The following TLN2 variants were observed in gnomAD, a reference collection of about 807,000 sequenced individuals.
TLN2 encodes talin-2.
A neutral mutation model predicts 294.7 loss-of-function variants in TLN2; 118 were observed. The observed-to-expected ratio is 0.40, with a 90% CI of 0.34 to 0.47. The LOEUF (loss-of-function observed/expected upper bound fraction) is 0.47, where lower values mean the gene tolerates loss of function less well. Among genes scored for constraint, TLN2 ranks in the 20% least tolerant of loss-of-function variants. TLN2 has a pLI of 0.84. For synonymous variants in TLN2, 1,431 were observed against 1,304.5 expected (o/e 1.10, Z -2.09); for missense variants, 3,083 against 3,282.2 (o/e 0.94, Z 1.48).
intron 1 of TLN2, among the ~76,000 whole-genome samples, chr15:62,495,734 C>T (rs781574717): frequency 1.3e-4 from 19 of 151,964 alleles, no homozygotes; most frequent in Non-Finnish European, 2.2e-4. Context: ...CTCCTTTTTC[C>T]AGAAGCAGTT....
At chr15:62,647,219 T>TC in intron 3 of TLN2, 56 bp from the exon 4 acceptor site, 2 of 1,481,954 alleles carry the variant, frequency 1.3e-6, no homozygotes, top group Non-Finnish European at 1.8e-6. Flanking sequence ...TGTTTTTTTT[T>TC]CCCCAAGACA....
chr15:62,706,616 T>C (rs1167296086), intron 19 of TLN2, among the ~76,000 whole-genome samples: 1 of 152,222 alleles, frequency 6.6e-6, no homozygotes, highest in Non-Finnish European at 1.5e-5. Flanking sequence ...CTTGGATCTT[T>C]GTGCAAAGTA....
intron 1 of TLN2, among the ~76,000 whole-genome samples, chr15:62,557,590 C>T (rs972159623): frequency 6.6e-6 from 1 of 152,142 alleles, no homozygotes; most frequent in Non-Finnish European, 1.5e-5. Flanking sequence ...ACTGCAGTGG[C>T]GTGATCTCGG....
Position 62,763,664 on chromosome 15 carries a change from G to A in TLN2, c.5063G>A (p.Ser1688Asn), listed in dbSNP as rs747372087. Residue 1688 changes from serine (S) to asparagine (N), a missense_variant, in exon 40 of 59, where the codon AGC becomes AAC. By Grantham distance (46) the Ser-to-Asn change is conservative. Transcript: ENST00000636159. The part of the protein sequence containing the change: ...EQASLAAVSQ[S>N]LATRDDISVE... ...GCCTCGCTGGCCGCCGTCAGCCAGA[G>A]CCTGGCCACGAGGGACGACATCTCT... The A allele has an allele frequency of 6.2e-7, 1 of 1,612,386 alleles. No individual in the cohort carries two copies. The highest frequency in any genetic ancestry group is 1.1e-5 in the South Asian group (1 of 90,748).
intron 1 of TLN2, among the ~76,000 whole-genome samples, chr15:62,458,367 C>T (rs1014863131): frequency 4.6e-5 from 7 of 152,114 alleles, no homozygotes; most frequent in Admixed American, 2.6e-4. Flanking sequence ...TTCACATTGG[C>T]GACTTGGCTC....
At position 62,461,770 on chromosome 15, in the gene TLN2, G is replaced by C. The variant is rs564830428; in HGVS notation, c.-238+71085G>C. ...CAGGTAAGAGGCGCCTACTCCATGC[G>C]AGGGGAAGAGCATGCACAGGAGCAC... On this transcript the variant is annotated intron_variant, in intron 1 of 58. Transcript: ENST00000636159. 2.6e-5 allele frequency among the ~76,000 whole-genome samples: 4 copies of C among 152,320 alleles called. No homozygotes were observed. In the South Asian group the frequency reaches 8.3e-4, roughly 32 times the overall value.
chr15:62,544,931 C>T (rs1265065744), intron 1 of TLN2, among the ~76,000 whole-genome samples: 2 of 151,682 alleles, frequency 1.3e-5, no homozygotes, highest in Non-Finnish European at 2.9e-5. Context: ...TGGGGATGAC[C>T]TCACTTTTTT....
chr15:62,819,657 C>G, intron 53 of TLN2, 36 bp downstream of exon 53: 1 of 1,579,104 alleles, frequency 6.3e-7, no homozygotes, highest in Non-Finnish European at 8.6e-7. Flanking sequence ...GGAGGGCAAC[C>G]CTCCCAGGCA....
intron 3 of TLN2, among the ~76,000 whole-genome samples, chr15:62,625,228 C>T (rs557099300): frequency 4.6e-5 from 7 of 152,172 alleles, no homozygotes; most frequent in African/African-American, 1.4e-4. Context: ...ATGACTCAGG[C>T]CCATGACCTA....
At chr15:62,423,137 T>A (rs1450867142) in intron 1 of TLN2, among the ~76,000 whole-genome samples, 1 of 152,204 alleles carries the variant, frequency 6.6e-6, no homozygotes, top group Admixed American at 6.5e-5. Flanking sequence ...CTCACGCCTG[T>A]AATCCCAGCA....
At chr15:62,485,737 C>G (rs1026562973) in intron 1 of TLN2, among the ~76,000 whole-genome samples, 1 of 152,156 alleles carries the variant, frequency 6.6e-6, no homozygotes, top group African/African-American at 2.4e-5. Flanking sequence ...CCATTCTGAG[C>G]TCCTCACCGC....
chr15:62,574,040 C>G (rs2044167175), intron 1 of TLN2, among the ~76,000 whole-genome samples: 2 of 152,096 alleles, frequency 1.3e-5, no homozygotes, highest in Admixed American at 6.5e-5. Flanking sequence ...AGGAAGGAGC[C>G]TTGGGACCAA....
chr15:62,740,962 C>G (rs1345735125), intron 32 of TLN2, among the ~76,000 whole-genome samples, 193 bp downstream of exon 32: 1 of 152,172 alleles, frequency 6.6e-6, no homozygotes, highest in African/African-American at 2.4e-5. Flanking sequence ...TCTTTCCCCA[C>G]TAAAAATATC....
At chr15:62,446,249 C>T (rs773738251) in intron 1 of TLN2, among the ~76,000 whole-genome samples, 22 of 151,636 alleles carry the variant, frequency 1.5e-4, no homozygotes, top group Non-Finnish European at 2.1e-4. Context: ...CCGCCCGTCT[C>T]CCCAAAGTGC....
At chr15:62,474,972 T>A (rs2037704531) in intron 1 of TLN2, among the ~76,000 whole-genome samples, 1 of 152,086 alleles carries the variant, frequency 6.6e-6, no homozygotes, top group African/African-American at 2.4e-5. Context: ...ATGACCTCAC[T>A]GCCTGAGTTC....
At chr15:62,666,381 C>T (rs969623162) in intron 9 of TLN2, among the ~76,000 whole-genome samples, 6 of 152,096 alleles carry the variant, frequency 3.9e-5, no homozygotes, top group African/African-American at 1.2e-4. Flanking sequence ...CAGCATTCAC[C>T]TTGCTTGGTC....
chr15:62,686,317 G>A (rs1297651996), intron 11 of TLN2, among the ~76,000 whole-genome samples: 1 of 152,160 alleles, frequency 6.6e-6, no homozygotes, highest in Non-Finnish European at 1.5e-5. Flanking sequence ...ATAGTACCTG[G>A]AATTCACCTT....
At chr15:62,506,496 C>G (rs2039629399) in intron 1 of TLN2, among the ~76,000 whole-genome samples, 1 of 152,226 alleles carries the variant, frequency 6.6e-6, no homozygotes, top group Admixed American at 6.5e-5. Flanking sequence ...ATTTGGAATT[C>G]CTAGGAACTG....
chr15:62,831,352 G>C (rs1346249756), intron 54 of TLN2: 1 of 152,002 alleles, frequency 6.6e-6, no homozygotes. Context: ...ATGAGATGAG[G>C]AGTTTGGAGT....
Sources: allele counts gnomAD v4.1 joint callset (sites outside exome capture counted in the v4.1 genomes callset), GRCh38; gene constraint gnomAD v4.1.1; transcripts MANE v1.5; gene names NCBI Gene and HGNC (gene_info 2026-07-23, HGNC 2026-07-21).